Variants in NEGR1 observed in about 807,000 individuals in gnomAD.
NEGR1 encodes neuronal growth regulator 1.
In NEGR1, 10 loss-of-function variants were observed where a neutral mutation model predicts 40.9. The observed-to-expected ratio is 0.24, with a 90% confidence interval of 0.15 to 0.42. The LOEUF is 0.42. Among genes scored for constraint, NEGR1 ranks in the 10% least tolerant of loss-of-function variants. NEGR1 has a pLI of 1.00. For synonymous variants in NEGR1, 185 were observed against 166.8 expected (o/e 1.11, Z -0.84); for missense variants, 352 against 438.9 (o/e 0.80, Z 1.77).
At chr1:72,258,976 T>G (rs1349878721) in intron 1 of NEGR1, among the ~76,000 whole-genome samples, 1 of 152,154 alleles carries the variant, frequency 6.6e-6, no homozygotes, top group Non-Finnish European at 1.5e-5. Context: ...GAAAAAAGTA[T>G]GGAAGGTCTT....
intron 1 of NEGR1, among the ~76,000 whole-genome samples, chr1:72,241,603 C>T (rs1449523726): frequency 6.6e-6 from 1 of 151,594 alleles, no homozygotes; most frequent in African/African-American, 2.4e-5. Flanking sequence ...TAGAGTCTGC[C>T]TAGGTGTTGT....
At chr1:71,668,835 G>A (rs541970664) in intron 4 of NEGR1, among the ~76,000 whole-genome samples, 2 of 152,318 alleles carry the variant, frequency 1.3e-5, no homozygotes, top group African/African-American at 4.8e-5. Flanking sequence ...GAGCTAGGCA[G>A]GGAATGGAGG....
chr1:72,020,424 T>A (rs939682281), intron 1 of NEGR1, among the ~76,000 whole-genome samples: 3 of 152,024 alleles, frequency 2.0e-5, no homozygotes, highest in Non-Finnish European at 4.4e-5. Context: ...TCAGGAAAAA[T>A]TATTTTCCCT....
intron 2 of NEGR1, among the ~76,000 whole-genome samples, chr1:71,896,490 T>C (rs1660977397): frequency 6.6e-6 from 1 of 152,250 alleles, no homozygotes; most frequent in Admixed American, 6.5e-5. Context: ...TCTCCCATTC[T>C]GCGTGTTATT....
intron 6 of NEGR1, among the ~76,000 whole-genome samples, chr1:71,538,818 T>TATTAA (rs1290841853): frequency 3.3e-5 from 5 of 151,710 alleles, no homozygotes; most frequent in African/African-American, 1.2e-4. Context: ...GTACACAAGT[T>TATTAA]GTTACTGTCT....
At chr1:71,616,623 C>G (rs1650455349) in intron 4 of NEGR1, among the ~76,000 whole-genome samples, 1 of 152,190 alleles carries the variant, frequency 6.6e-6, no homozygotes, top group African/African-American at 2.4e-5. Flanking sequence ...AATTGCACAA[C>G]TGCATCTGGT....
At chr1:71,994,991 T>G (rs1646491012) in intron 1 of NEGR1, among the ~76,000 whole-genome samples, 1 of 88,752 alleles carries the variant, frequency 1.1e-5, no homozygotes, top group South Asian at 3.7e-4. Flanking sequence ...TCTCCAAATT[T>G]ACAGGAAAAA....
intron 5 of NEGR1, among the ~76,000 whole-genome samples, chr1:71,605,831 G>A (rs1381032438): frequency 6.6e-6 from 1 of 152,116 alleles, no homozygotes; most frequent in Non-Finnish European, 1.5e-5. Flanking sequence ...GTTAAAAAAT[G>A]ACTACCTTAT....
At chr1:71,703,978 A>G (rs965967218) in intron 3 of NEGR1, among the ~76,000 whole-genome samples, 2 of 151,970 alleles carry the variant, frequency 1.3e-5, no homozygotes, top group Non-Finnish European at 2.9e-5. Flanking sequence ...ACAAAGAAAT[A>G]AAAATCATAC....
chr1:71,738,724 G>A (rs1655115112), intron 3 of NEGR1, among the ~76,000 whole-genome samples: 1 of 151,968 alleles, frequency 6.6e-6, no homozygotes, highest in African/African-American at 2.4e-5. Context: ...GCTCTCTGCT[G>A]GCTCTAAACC....
At chr1:71,441,793 G>A (rs1486197281) in intron 6 of NEGR1, among the ~76,000 whole-genome samples, 1 of 152,108 alleles carries the variant, frequency 6.6e-6, no homozygotes, top group Admixed American at 6.6e-5. Flanking sequence ...GCATTGTTAG[G>A]TTATCAAGAA....
chr1:71,621,713 A>G (rs183371094), intron 4 of NEGR1, among the ~76,000 whole-genome samples: 3 of 152,044 alleles, frequency 2.0e-5, no homozygotes, highest in East Asian at 1.9e-4. Flanking sequence ...TAAACCCTCA[A>G]TAACAATCTG....
At chr1:71,692,488 G>C (rs546265125) in intron 4 of NEGR1, among the ~76,000 whole-genome samples, 1 of 151,742 alleles carries the variant, frequency 6.6e-6, no homozygotes, top group Non-Finnish European at 1.5e-5. Flanking sequence ...TGAACACCGA[G>C]ATTTTCCCTT....
intron 4 of NEGR1, among the ~76,000 whole-genome samples, chr1:71,689,418 T>C (rs1345338944): frequency 6.6e-6 from 1 of 152,164 alleles, no homozygotes; most frequent in Non-Finnish European, 1.5e-5. Context: ...TTTAAGTCTT[T>C]TGCCCAAAGT....
chr1:71,935,554 C>CGT (rs1557443160), intron 1 of NEGR1, among the ~76,000 whole-genome samples: 5 of 150,392 alleles, frequency 3.3e-5, no homozygotes, highest in African/African-American at 7.4e-5. Flanking sequence ...TGTGCATGTT[C>CGT]GTGTGTGTGT....
At chr1:71,478,942 C>G (rs1331892050) in intron 6 of NEGR1, among the ~76,000 whole-genome samples, 1 of 151,986 alleles carries the variant, frequency 6.6e-6, no homozygotes, top group Admixed American at 6.6e-5. Flanking sequence ...TCCAGTGCCT[C>G]TGGTCTATGC....
At chr1:71,752,118 A>C (rs1655589419) in intron 3 of NEGR1, among the ~76,000 whole-genome samples, 1 of 152,238 alleles carries the variant, frequency 6.6e-6, no homozygotes, top group African/African-American at 2.4e-5. Flanking sequence ...CTAAGATGCA[A>C]TAGAAGTCCA....
At chr1:71,925,783 G>A (rs893540107) in intron 2 of NEGR1, among the ~76,000 whole-genome samples, 6 of 151,704 alleles carry the variant, frequency 4.0e-5, no homozygotes, top group African/African-American at 1.5e-4. Context: ...ACGACTCCAA[G>A]AAGAAAAGTT....
chr1:71,869,782 G>A (rs191606589), intron 2 of NEGR1, among the ~76,000 whole-genome samples: 40 of 151,878 alleles, frequency 2.6e-4, no homozygotes, highest in Non-Finnish European at 5.3e-4. Flanking sequence ...CACTTAATAC[G>A]GAAAATACTA....
Sources: allele counts gnomAD v4.1 joint callset (sites outside exome capture counted in the v4.1 genomes callset), GRCh38; gene constraint gnomAD v4.1.1; transcripts MANE v1.5; gene names NCBI Gene and HGNC (gene_info 2026-07-23, HGNC 2026-07-21).